Variants in ATAD5 observed in about 807,000 individuals in gnomAD.
ATAD5 encodes ATPase family AAA domain-containing protein 5.
A neutral mutation model predicts 176.9 loss-of-function variants in ATAD5; 58 were observed. That is an observed-to-expected ratio of 0.33 (90% CI 0.27 to 0.41). ATAD5 has a LOEUF of 0.41. Ranked by LOEUF, ATAD5 falls within the 10% of genes least tolerant of loss-of-function variation. The pLI, the probability that ATAD5 is intolerant of heterozygous loss-of-function variation, is 1.00. For synonymous variants in ATAD5, 640 were observed against 712.6 expected (o/e 0.90, Z 1.62); for missense variants, 1,789 against 2,094.1 (o/e 0.85, Z 2.84).
At chr17:30,892,574 T>C (rs749268888) in intron 19 of ATAD5, 33 bp from the exon 20 acceptor site, 6 of 1,463,108 alleles carry the variant, frequency 4.1e-6, no homozygotes, top group Non-Finnish European at 4.6e-6. Context: ...GTTTAATACA[T>C]ATATAGAGCT....
Position 30,844,045 on chromosome 17 carries a change from C to T in ATAD5, c.2368+6C>T, listed in dbSNP as rs767318600. The T allele has an allele frequency of 5.3e-5, 81 of 1,529,586 alleles. No individual in the cohort carries two copies. Among genetic ancestry groups the T allele is most frequent in the Non-Finnish European group, 6.1e-5 (70 of 1,141,284 alleles). The allele number at this position is 1,529,586 out of a possible 1,614,324, so 94.8% of individuals were successfully genotyped here. ...ATCCACTAAAAATGTACCTGGTAAT[C>T]AGAGTTAATAATATTTATGATGTAT... On this transcript the variant is annotated splice_donor_region_variant and intron_variant, in intron 5 of 22. Coordinates refer to ENST00000321990, the MANE Select transcript of ATAD5 (RefSeq NM_024857.5).
Position 30,855,129 on chromosome 17 carries a change from C to T in ATAD5, c.2451-14C>T. On this transcript the variant is annotated splice_polypyrimidine_tract_variant and intron_variant, in intron 6 of 22. Coordinates refer to ENST00000321990, the MANE Select transcript of ATAD5 (RefSeq NM_024857.5). ...TAACCTTAGCTTTTCTTTTTCAAAT[C>T]ATTTTCTTAAAAGTCAAGATACATC... 1 of 1,569,274 alleles carries T rather than the reference C, an allele frequency of 6.4e-7. No homozygotes were observed. Among genetic ancestry groups the T allele is most frequent in the Non-Finnish European group, 8.6e-7 (1 of 1,158,696 alleles).
In ATAD5 at chr17:30,894,889, TA is replaced by T; in HGVS notation, c.5512del (p.Thr1838LeufsTer12). ...HLDIPKETVN[T>X]LAADFP is the part of the protein sequence containing the mutation. Reference sequence around the variant, plus strand: ...TTGACATTCCAAAAGAGACTGTGAATACTTTGGCAGCTGACTTCCCTTAATG... The same window carrying T: ...TTGACATTCCAAAAGAGACTGTGAATCTTTGGCAGCTGACTTCCCTTAATG... On this transcript the variant is annotated frameshift_variant, in exon 23 of 23. Transcript: ENST00000321990. LOFTEE classifies it high-confidence loss of function. 1 of 1,599,354 alleles carries T rather than the reference TA, an allele frequency of 6.3e-7. No homozygotes were observed. Among genetic ancestry groups the T allele is most frequent in the Non-Finnish European group, 8.5e-7 (1 of 1,175,780 alleles).
chr17:30,848,830 G>T (rs113998165), intron 6 of ATAD5, among the ~76,000 whole-genome samples: 4,001 of 152,116 alleles, frequency 0.026, 161 homozygotes, highest in African/African-American at 0.088. Context: ...ATGATTTTGA[G>T]ATTTATTCAT....
At chr17:30,847,260 G>A (rs981669843) in intron 6 of ATAD5, among the ~76,000 whole-genome samples, 2 of 151,918 alleles carry the variant, frequency 1.3e-5, no homozygotes, top group Non-Finnish European at 2.9e-5. Context: ...TGGCAAGGTA[G>A]CATATCAGTT....
intron 6 of ATAD5, among the ~76,000 whole-genome samples, chr17:30,845,293 T>G (rs998309847): frequency 2.0e-5 from 3 of 152,172 alleles, no homozygotes; most frequent in Non-Finnish European, 4.4e-5. Context: ...TGGAAGATGG[T>G]CTATGATTAA....
At position 30,860,464 on chromosome 17, in the gene ATAD5, C is replaced by T; in HGVS notation, c.2988C>T (p.Thr996=). Residue 996 remains threonine (T), a synonymous_variant, in exon 10 of 23, where the codon ACC becomes ACT. Coordinates refer to ENST00000321990, the MANE Select transcript of ATAD5 (RefSeq NM_024857.5). The part of the protein sequence containing the change: ...ELEADVSHKE[T]KRKLVEAENS... ...AGGCTGATGTCAGCCATAAAGAAAC[C>T]AAAAGGAAACTCGTAGAAGCAGAAA... 1 of 1,594,510 alleles carries T rather than the reference C, an allele frequency of 6.3e-7. No homozygotes were observed. Among genetic ancestry groups the T allele is most frequent in the East Asian group, 2.2e-5 (1 of 44,630 alleles).
Position 30,857,119 on chromosome 17 carries a change from A to T in ATAD5, c.2793+7A>T. The T allele has an allele frequency of 6.2e-7, 1 of 1,604,398 alleles. No homozygotes were observed. The highest frequency in any genetic ancestry group is 8.5e-7 in the Non-Finnish European group (1 of 1,177,804). The stretch of plus-strand genomic sequence containing the variant: ...CGGTAACTCTGCTGCTGTGGTAAGT[A>T]TTAAATAGTTCATCCATTGTAGAGT... On this transcript the variant is annotated splice_region_variant and intron_variant, in intron 8 of 22. Transcript: ENST00000321990.
At chr17:30,846,692 T>G (rs1906526995) in intron 6 of ATAD5, among the ~76,000 whole-genome samples, 1 of 151,666 alleles carries the variant, frequency 6.6e-6, no homozygotes. Context: ...TGAGCCACCG[T>G]GTCCAGCCAA....
At chr17:30,865,188 T>G (rs1181301605) in intron 10 of ATAD5, among the ~76,000 whole-genome samples, 2 of 151,578 alleles carry the variant, frequency 1.3e-5, no homozygotes, top group East Asian at 3.8e-4. Context: ...TTTTTTTTTT[T>G]TTGAGACGGA....
chr17:30,836,857 C>T (rs1031092019), intron 2 of ATAD5, among the ~76,000 whole-genome samples: 1 of 152,170 alleles, frequency 6.6e-6, no homozygotes, highest in African/African-American at 2.4e-5. Flanking sequence ...TGTGAGCCAC[C>T]ACACCCGGCA....
At chr17:30,873,320 C>CTTTTTT (rs775667412) in intron 14 of ATAD5, among the ~76,000 whole-genome samples, 4 of 137,524 alleles carry the variant, frequency 2.9e-5, no homozygotes, top group Non-Finnish European at 1.6e-5. Context: ...ATTTCTTTTT[C>CTTTTTT]TTTTTTTTTT....
chr17:30,837,335 T>C (rs770257369), intron 3 of ATAD5, 21 bp downstream of exon 3: 2 of 1,427,994 alleles, frequency 1.4e-6, no homozygotes, highest in African/African-American at 1.5e-5. Context: ...TATTAGAGAG[T>C]CCTATAAGTG....
rs564083580 is a variant in ATAD5, at chr17:30,881,631, A to T, written c.4077+2144A>T. On this transcript the variant is annotated intron_variant, in intron 18 of 22. Coordinates refer to ENST00000321990, the MANE Select transcript of ATAD5 (RefSeq NM_024857.5). ...TTCTTACTTTTAAATTGTGTTTCTTAGCTGGAGGCAGTGGCTCACACCTGT... is the reference window on the plus strand; with the variant it reads ...TTCTTACTTTTAAATTGTGTTTCTTTGCTGGAGGCAGTGGCTCACACCTGT... 7.7e-4 allele frequency among the ~76,000 whole-genome samples: 117 copies of T among 151,180 alleles called. 1 individual carries two copies. Among genetic ancestry groups the T allele is most frequent in the African/African-American group, 2.8e-3 (116 of 41,216 alleles).
chr17:30,865,619 TTG>T, intron 10 of ATAD5, 83 bp from the exon 11 acceptor site: 1 of 776,514 alleles, frequency 1.3e-6, no homozygotes, highest in East Asian at 3.0e-5. Flanking sequence ...TACTGTGACA[TTG>T]TAACAATAAT....
At chr17:30,864,432 T>C (rs1423504089) in intron 10 of ATAD5, 4 of 152,258 alleles carry the variant, frequency 2.6e-5, no homozygotes, top group African/African-American at 9.6e-5. Context: ...TGGACTTCAA[T>C]TGAACCTGTC....
intron 18 of ATAD5, among the ~76,000 whole-genome samples, chr17:30,881,055 G>T (rs1377049892): frequency 1.3e-5 from 2 of 149,054 alleles, no homozygotes; most frequent in Non-Finnish European, 3.0e-5. Context: ...TAGTGTTTTT[G>T]TGTATATGTC....
At chr17:30,871,870 ACTTT>A (rs1484427578) in intron 14 of ATAD5, among the ~76,000 whole-genome samples, 1 of 152,026 alleles carries the variant, frequency 6.6e-6, no homozygotes, top group African/African-American at 2.4e-5. Flanking sequence ...CTGTTCGTTA[ACTTT>A]CTTCTGTGAT....
At chr17:30,894,807 A>C in intron 22 of ATAD5, 28 bp from the exon 23 acceptor site, 4 of 1,566,604 alleles carry the variant, frequency 2.6e-6, no homozygotes, top group Non-Finnish European at 3.5e-6. Flanking sequence ...TTAATATTAA[A>C]TTGTATTTTT....
Sources: allele counts gnomAD v4.1 joint callset (sites outside exome capture counted in the v4.1 genomes callset), GRCh38; gene constraint gnomAD v4.1.1; transcripts MANE v1.5; gene names NCBI Gene and HGNC (gene_info 2026-07-23, HGNC 2026-07-21).